RBM19: variants seen among roughly 807,000 people sequenced by gnomAD.
RBM19 encodes RNA binding motif protein 19.
A neutral mutation model predicts 116.8 loss-of-function variants in RBM19; 94 were observed. The ratio of observed to expected loss-of-function variants is 0.80; its 90% CI spans 0.68 to 0.95. The LOEUF (loss-of-function observed/expected upper bound fraction) is 0.95, where lower values mean the gene tolerates loss of function less well. Among genes scored for constraint, RBM19 ranks in the 40% least tolerant of loss-of-function variants. The pLI is 0.00. For missense variants in RBM19, 1,161 were observed against 1,220.7 expected (o/e 0.95, Z 0.73); for synonymous variants, 475 against 494.1 (o/e 0.96, Z 0.51).
intron 1 of RBM19, among the ~76,000 whole-genome samples, chr12:113,964,546 G>C (rs939550459): frequency 6.6e-6 from 1 of 152,190 alleles, no homozygotes; most frequent in Middle Eastern, 3.2e-3. Flanking sequence ...ATCGCACAAA[G>C]CAAGGCATCA....
chr12:113,839,990 C>A (rs892738089), intron 23 of RBM19, among the ~76,000 whole-genome samples: 1 of 152,158 alleles, frequency 6.6e-6, no homozygotes, highest in African/African-American at 2.4e-5. Flanking sequence ...TTGCCACACA[C>A]GCAGACACAA....
intron 21 of RBM19, among the ~76,000 whole-genome samples, chr12:113,900,696 G>A (rs1006863850): frequency 6.6e-6 from 1 of 152,234 alleles, no homozygotes; most frequent in African/African-American, 2.4e-5. Flanking sequence ...GAAGGAGGAG[G>A]AAGGACAGCA....
At chr12:113,902,992 C>T (rs1881800087) in intron 21 of RBM19, among the ~76,000 whole-genome samples, 1 of 152,190 alleles carries the variant, frequency 6.6e-6, no homozygotes, top group Admixed American at 6.5e-5. Flanking sequence ...ACCCTTGCCA[C>T]AGCCAATTTT....
At chr12:113,881,321 G>T (rs1880110535) in intron 21 of RBM19, among the ~76,000 whole-genome samples, 2 of 152,200 alleles carry the variant, frequency 1.3e-5, no homozygotes, top group Admixed American at 6.5e-5. Flanking sequence ...AGGGAGGAAG[G>T]AGGACAAGTG....
chr12:113,933,355 T>A (rs907836809), intron 16 of RBM19, among the ~76,000 whole-genome samples: 4 of 69,506 alleles, frequency 5.8e-5, no homozygotes, highest in African/African-American at 1.1e-4. Context: ...AGGGTGGGGG[T>A]GGGGGAGGAG....
intron 18 of RBM19, 137 bp from the exon 19 acceptor site, chr12:113,920,827 C>T: frequency 1.3e-6 from 1 of 766,074 alleles, no homozygotes; most frequent in East Asian, 2.5e-5. Context: ...CCAAAAATCT[C>T]AGCACCTGGC....
chr12:113,852,172 A>C (rs1027451269), intron 22 of RBM19, among the ~76,000 whole-genome samples: 5 of 152,174 alleles, frequency 3.3e-5, no homozygotes, highest in Admixed American at 2.0e-4. Flanking sequence ...AGGACGTCTG[A>C]ACCTGAGTCC....
At chr12:113,872,585 C>T (rs1306880023) in intron 21 of RBM19, among the ~76,000 whole-genome samples, 2 of 117,672 alleles carry the variant, frequency 1.7e-5, no homozygotes, top group African/African-American at 3.0e-5. Context: ...GGGGTCAGCC[C>T]CCCTGCCCGG....
intron 8 of RBM19, among the ~76,000 whole-genome samples, chr12:113,952,190 T>C (rs1170938395): frequency 6.6e-6 from 1 of 152,214 alleles, no homozygotes; most frequent in Non-Finnish European, 1.5e-5. Context: ...GAGCTGCCTG[T>C]GGACTTGGCC....
chr12:113,963,487 T>C (rs1003977030), intron 1 of RBM19, among the ~76,000 whole-genome samples: 2 of 152,174 alleles, frequency 1.3e-5, no homozygotes, highest in African/African-American at 4.8e-5. Context: ...GAAGATGACA[T>C]TTTCTGAGGT....
chr12:113,897,906 G>C (rs1036552812), intron 21 of RBM19, among the ~76,000 whole-genome samples: 1 of 152,206 alleles, frequency 6.6e-6, no homozygotes, highest in Non-Finnish European at 1.5e-5. Flanking sequence ...CCATTCCCAG[G>C]TAAACAGACT....
At chr12:113,817,879 G>A (rs1311890135), downstream of RBM19, 1 of 152,274 alleles carries the variant, frequency 6.6e-6, no homozygotes, top group East Asian at 1.9e-4. Flanking sequence ...TGGATCACTT[G>A]AGGTTGGGAG....
At chr12:113,892,023 A>G (rs1244835127) in intron 21 of RBM19, among the ~76,000 whole-genome samples, 1 of 152,206 alleles carries the variant, frequency 6.6e-6, no homozygotes, top group African/African-American at 2.4e-5. Context: ...TCTACTTTAA[A>G]TAGTAAACTC....
chr12:113,818,217 A>AAAAAC (rs1430623911), downstream of RBM19: 1 of 151,080 alleles, frequency 6.6e-6, no homozygotes. Context: ...TTGTCTCAAA[A>AAAAAC]AAAAAAAAAA....
chr12:113,896,146 C>G (rs1471650176), intron 21 of RBM19, among the ~76,000 whole-genome samples: 1 of 152,128 alleles, frequency 6.6e-6, no homozygotes, highest in African/African-American at 2.4e-5. Context: ...CAACTGTCAG[C>G]TAAAGGGCAC....
chr12:113,861,236 C>T (rs1165291392), intron 21 of RBM19, among the ~76,000 whole-genome samples: 1 of 152,188 alleles, frequency 6.6e-6, no homozygotes, highest in Non-Finnish European at 1.5e-5. Context: ...TCCCGAGTCT[C>T]GGCCAGGTCT....
At chr12:113,920,807 T>A (rs1053146633) in intron 18 of RBM19, 117 bp from the exon 19 acceptor site, 1 of 878,620 alleles carries the variant, frequency 1.1e-6, no homozygotes, top group African/African-American at 1.7e-5. Context: ...TCATACCCCC[T>A]TCATTCCCCC....
Position 113,900,625 on chromosome 12 carries a change from G to GT in RBM19, c.2558+14343dup, listed in dbSNP as rs540289408. ...CAGGTCTCCTGACTCCCTGGCTAGT[G>GT]TTTTTTTTCCACGTGGAAAATCACA... is the stretch of plus-strand genomic sequence containing the variant. On this transcript the variant is annotated intron_variant, in intron 21 of 23. Transcript: ENST00000261741. 2.9e-3 allele frequency among the ~76,000 whole-genome samples: 444 copies of GT among 152,096 alleles called. 3 individuals are homozygous for GT. The highest frequency in any genetic ancestry group is 0.017 in the Middle Eastern group (5 of 292).
In RBM19 at chr12:113,960,101, G is replaced by A. The variant is rs1315802570; in HGVS notation, c.297C>T (p.Pro99=). 2.5e-6 allele frequency: 4 copies of A among 1,614,060 alleles called. No homozygotes were observed. Among genetic ancestry groups the A allele is most frequent in the Non-Finnish European group, 3.4e-6 (4 of 1,180,038 alleles). ...TAGTAGAGTCTTTTGGAGGCTGCTT[G>A]GGCTGGCTTGGTTTCTGGGCATGTT... The part of the protein sequence containing the change: ...WSKHAQKPSQ[P]KQPPKDSTTP... The change falls in exon 3 of 24, where the codon CCC becomes CCT. Residue 99 remains proline (P), a synonymous_variant. Transcript: ENST00000261741.
Sources: allele counts gnomAD v4.1 joint callset (sites outside exome capture counted in the v4.1 genomes callset), GRCh38; gene constraint gnomAD v4.1.1; transcripts MANE v1.5; gene names NCBI Gene and HGNC (gene_info 2026-07-23, HGNC 2026-07-21).